Variants in ARMH3 observed in about 807,000 individuals in gnomAD.
ARMH3 encodes armadillo-like helical domain-containing protein 3.
ARMH3 carries 60 observed loss-of-function variants against 99.1 expected under a neutral mutation model. That is an observed-to-expected ratio of 0.61 (90% CI 0.49 to 0.75). The LOEUF is 0.75. Ranked by LOEUF, ARMH3 falls within the 30% of genes least tolerant of loss-of-function variation. ARMH3 has a pLI of 0.00. For missense variants in ARMH3, 679 were observed against 843.1 expected, an observed-to-expected ratio of 0.81 and a Z score of 2.41; for synonymous variants, 285 against 292.8, an observed-to-expected ratio of 0.97 and a Z score of 0.27.
At chr10:102,037,841 A>T (rs2136233330) in intron 2 of ARMH3, among the ~76,000 whole-genome samples, 3 of 152,096 alleles carry the variant, frequency 2.0e-5, no homozygotes, top group Admixed American at 2.0e-4. Flanking sequence ...CATGCACCTC[A>T]GCCTCCCAGG....
At chr10:101,875,519 C>CA (rs919864022) in intron 24 of ARMH3, among the ~76,000 whole-genome samples, 6 of 151,886 alleles carry the variant, frequency 4.0e-5, no homozygotes, top group Admixed American at 1.3e-4. Flanking sequence ...AGGTTTTTTC[C>CA]CCCCTTTCTA....
chr10:101,893,942 G>A (rs1453184523), intron 23 of ARMH3, among the ~76,000 whole-genome samples: 1 of 152,062 alleles, frequency 6.6e-6, no homozygotes, highest in African/African-American at 2.4e-5. Context: ...ACCACTCTGG[G>A]AATATATATT....
intron 23 of ARMH3, among the ~76,000 whole-genome samples, chr10:101,923,838 G>T (rs919462276): frequency 1.3e-5 from 2 of 152,138 alleles, no homozygotes; most frequent in African/African-American, 4.8e-5. Context: ...TTCCATAAAA[G>T]AGTCTTATTT....
At chr10:102,009,494 G>T in intron 12 of ARMH3, 45 bp from the exon 13 acceptor site, 1 of 1,464,488 alleles carries the variant, frequency 6.8e-7, no homozygotes, top group East Asian at 2.3e-5. Flanking sequence ...ATAGTGGGGG[G>T]AGTTAAAACA....
At chr10:101,924,160 C>A (rs1564756462) in intron 23 of ARMH3, among the ~76,000 whole-genome samples, 1 of 152,046 alleles carries the variant, frequency 6.6e-6, no homozygotes, top group Admixed American at 6.6e-5. Context: ...TCGAAAAATA[C>A]CCTGAGAAGC....
At chr10:101,964,845 CAAA>C (rs545171779) in intron 20 of ARMH3, among the ~76,000 whole-genome samples, 6 of 97,632 alleles carry the variant, frequency 6.1e-5, no homozygotes, top group Admixed American at 1.1e-4. Flanking sequence ...CCGTCTTTAC[CAAA>C]AAAAAAAAAA....
At chr10:101,983,967 G>A (rs1425019707) in intron 19 of ARMH3, among the ~76,000 whole-genome samples, 5 of 152,142 alleles carry the variant, frequency 3.3e-5, no homozygotes, top group Admixed American at 2.0e-4. Flanking sequence ...GCCAGGGGTA[G>A]TCTTAGGGAC....
At chr10:101,892,885 GAA>G (rs1335014351) in intron 23 of ARMH3, among the ~76,000 whole-genome samples, 2 of 152,200 alleles carry the variant, frequency 1.3e-5, no homozygotes, top group Admixed American at 6.5e-5. Context: ...TCAGGAGCAA[GAA>G]AAGAGTTCTG....
chr10:101,888,072 T>TA (rs2067596904), intron 24 of ARMH3, among the ~76,000 whole-genome samples: 7 of 149,490 alleles, frequency 4.7e-5, no homozygotes, highest in African/African-American at 1.5e-4. Context: ...TTTTTTTTTT[T>TA]TAAAAAAAAA....
chr10:101,863,456 G>A (rs994255709), intron 24 of ARMH3, among the ~76,000 whole-genome samples: 1 of 152,144 alleles, frequency 6.6e-6, no homozygotes, highest in African/African-American at 2.4e-5. Flanking sequence ...ACAAGTTGAA[G>A]GTTTCCATAC....
intron 24 of ARMH3, among the ~76,000 whole-genome samples, chr10:101,887,936 T>C (rs1359932312): frequency 6.6e-6 from 1 of 152,020 alleles, no homozygotes. Flanking sequence ...CAGATTGCCT[T>C]GTGTGCCAGA....
At chr10:102,015,650 A>G (rs1017411394) in intron 8 of ARMH3, among the ~76,000 whole-genome samples, 6 of 152,148 alleles carry the variant, frequency 3.9e-5, no homozygotes, top group Admixed American at 3.3e-4. Flanking sequence ...TCGGCCTCCC[A>G]AAGTGCTGGG....
chr10:101,868,595 G>T (rs1426173731), intron 24 of ARMH3, among the ~76,000 whole-genome samples: 1 of 151,928 alleles, frequency 6.6e-6, no homozygotes, highest in Non-Finnish European at 1.5e-5. Context: ...CTCCTCCTCA[G>T]CCTACTCAAC....
intron 22 of ARMH3, among the ~76,000 whole-genome samples, chr10:101,951,276 A>G (rs1480359780): frequency 1.3e-5 from 2 of 152,242 alleles, no homozygotes; most frequent in Admixed American, 1.3e-4. Flanking sequence ...GCTTTTGATT[A>G]AAACTTATAC....
At chr10:102,023,397 T>C (rs1260192472) in intron 8 of ARMH3, 80 bp downstream of exon 8, 2 of 1,297,124 alleles carry the variant, frequency 1.5e-6, no homozygotes, top group Non-Finnish European at 2.2e-6. Context: ...GTCTTCTACA[T>C]TAAGCAAAGT....
intron 24 of ARMH3, among the ~76,000 whole-genome samples, chr10:101,868,974 A>G (rs964140696): frequency 1.3e-5 from 2 of 151,728 alleles, no homozygotes; most frequent in Non-Finnish European, 2.9e-5. Flanking sequence ...TGGGAGGCTG[A>G]GGCACAAGAA....
chr10:101,982,773 C>T (rs1846292414), intron 19 of ARMH3, among the ~76,000 whole-genome samples: 1 of 152,034 alleles, frequency 6.6e-6, no homozygotes, highest in Non-Finnish European at 1.5e-5. Context: ...CATGATCTGT[C>T]ACTGTCTCCC....
chr10:101,975,448 T>C, intron 19 of ARMH3, 148 bp from the exon 20 acceptor site: 1 of 500,444 alleles, frequency 2.0e-6, no homozygotes, highest in Admixed American at 2.9e-5. Flanking sequence ...ACAAAACTTC[T>C]GGCCGGGCAT....
chr10:101,936,096 A>G (rs1843957329), intron 23 of ARMH3, among the ~76,000 whole-genome samples: 1 of 152,192 alleles, frequency 6.6e-6, no homozygotes, highest in African/African-American at 2.4e-5. Flanking sequence ...ACTGACTGAG[A>G]AAAGAAAACT....
Sources: allele counts gnomAD v4.1 joint callset (sites outside exome capture counted in the v4.1 genomes callset), GRCh38; gene constraint gnomAD v4.1.1; transcripts MANE v1.5; gene names NCBI Gene and HGNC (gene_info 2026-07-23, HGNC 2026-07-21).